Variants in PEX1 observed in about 807,000 individuals in gnomAD.
PEX1 encodes the protein peroxisomal ATPase PEX1.
Under a neutral mutation model 152.5 loss-of-function variants are expected in PEX1, and 97 were observed. That is an observed-to-expected ratio of 0.64 (90% CI 0.54 to 0.75). The LOEUF is 0.75. Among genes scored for constraint, PEX1 ranks in the 30% least tolerant of loss-of-function variants. The pLI, the probability that PEX1 is intolerant of heterozygous loss-of-function variation, is 0.00. For missense variants in PEX1, 1,357 were observed against 1,516.3 expected, an observed-to-expected ratio of 0.89 and a Z score of 1.74; for synonymous variants, 485 against 531.6, an observed-to-expected ratio of 0.91 and a Z score of 1.21.
At position 92,519,117 on chromosome 7, in the gene PEX1, C is replaced by A; in HGVS notation, c.274-39G>T. 4.4e-6 allele frequency: 5 copies of A among 1,139,228 alleles called. No individual in the cohort carries two copies. The East Asian group carries it at 9.5e-5, about 22-fold the overall frequency. 70.6% of individuals were successfully genotyped at this position (1,139,228 alleles called of 1,614,324 possible). A position where few individuals can be genotyped will look rare whatever the true frequency, so the allele number is the denominator to read the frequency against. ...AAAATTTAAAACTACTTTAAAAAAACTTTTCTGTGTCATATATTAGAAAAT... is the reference window on the plus strand; with the variant it reads ...AAAATTTAAAACTACTTTAAAAAAAATTTTCTGTGTCATATATTAGAAAAT... On this transcript the variant is annotated intron_variant, in intron 2 of 23. Transcript: ENST00000248633.
At chr7:92,527,938 G>C (rs1212740069) in intron 1 of PEX1, among the ~76,000 whole-genome samples, 1 of 152,234 alleles carries the variant, frequency 6.6e-6, no homozygotes, top group Non-Finnish European at 1.5e-5. Flanking sequence ...CGGCCCGGAC[G>C]GCAGCAGCGC....
intron 10 of PEX1, 165 bp downstream of exon 10, chr7:92,506,829 A>G (rs1445767223): frequency 8.8e-6 from 6 of 684,442 alleles, no homozygotes; most frequent in Non-Finnish European, 1.5e-5. Context: ...AAAAGCAGAC[A>G]CACAGAAATA....
chr7:92,507,432 G>C, intron 9 of PEX1: 1 of 306,238 alleles, frequency 3.3e-6, no homozygotes, highest in Non-Finnish European at 6.3e-6. Flanking sequence ...TGCATTTGTT[G>C]TAGAGACGGG....
At chr7:92,507,942 C>A (rs1229182480) in intron 9 of PEX1, 1 of 152,078 alleles carries the variant, frequency 6.6e-6, no homozygotes, top group Non-Finnish European at 1.5e-5. Flanking sequence ...CGCGCCCAGC[C>A]TCCAAGCTTT....
In PEX1 at chr7:92,502,685, C is replaced by T. The variant is rs1213644569; in HGVS notation, c.2226+356G>A. Among the ~76,000 whole-genome samples the T allele has an allele frequency of 2.0e-5, 3 of 152,078 alleles. No individual in the cohort carries two copies. In the East Asian group the frequency reaches 5.8e-4, roughly 29 times the overall value. On this transcript the variant is annotated intron_variant, in intron 13 of 23. Transcript: ENST00000248633. ...GGAACATATTTCTTTCAGCTCACTA[C>T]CACTAAAACCCTCATGAGTTCCCAA...
chr7:92,493,968 A>C, intron 19 of PEX1: 1 of 302,510 alleles, frequency 3.3e-6, no homozygotes, highest in Non-Finnish European at 6.3e-6. Flanking sequence ...TCTGTATCAG[A>C]GTTTTTTTTT....
At chr7:92,521,492 C>A (rs1463716475) in intron 2 of PEX1, among the ~76,000 whole-genome samples, 1 of 151,822 alleles carries the variant, frequency 6.6e-6, no homozygotes, top group Non-Finnish European at 1.5e-5. Context: ...TGAAGTGCAG[C>A]AGTGCAATCT....
At chr7:92,489,959 G>C (rs374470166) in intron 21 of PEX1, 48 bp from the exon 22 acceptor site, 516 of 1,327,934 alleles carry the variant, frequency 3.9e-4, no homozygotes, top group Non-Finnish European at 5.0e-4. Context: ...GAGGGGGAGA[G>C]AAAAAACTAT....
intron 1 of PEX1, among the ~76,000 whole-genome samples, chr7:92,524,259 TTTC>T (rs986488038): frequency 9.3e-5 from 14 of 150,970 alleles, no homozygotes; most frequent in Non-Finnish European, 3.0e-5. Context: ...AGTCTTTATG[TTTC>T]TTGCTTTTTT....
At chr7:92,526,305 C>G (rs1405990832) in intron 1 of PEX1, among the ~76,000 whole-genome samples, 1 of 152,194 alleles carries the variant, frequency 6.6e-6, no homozygotes, top group Non-Finnish European at 1.5e-5. Flanking sequence ...GAGGGTTGAT[C>G]AGAACATCTG....
chr7:92,501,786 T>C, intron 14 of PEX1, 104 bp downstream of exon 14: 2 of 1,368,342 alleles, frequency 1.5e-6, no homozygotes, highest in South Asian at 2.4e-5. Flanking sequence ...TAACTGCTTA[T>C]TCAAATACTA....
chr7:92,503,057 A>G lies in PEX1; in HGVS notation c.2210T>C (p.Ile737Thr). The change falls in exon 13 of 24, where the codon ATT (isoleucine) becomes ACT (threonine). Residue 737 changes from isoleucine to threonine, a missense_variant. Physicochemically the swap from Ile to Thr is moderately conservative, Grantham distance 89 (BLOSUM62 -1). Coordinates refer to ENST00000248633, the MANE Select transcript of PEX1 (RefSeq NM_000466.3). ...GTGTATTACCTGATTAGGAGGCTGA[A>G]TGTGTTGGACGCACTGAAATATGTG... ...GVHIFQCVQH[I>T]QPPNQEQRCE... 1 of 1,613,514 alleles carries G rather than the reference A, an allele frequency of 6.2e-7. No homozygotes were observed. The highest frequency in any genetic ancestry group is 8.5e-7 in the Non-Finnish European group (1 of 1,179,500).
chr7:92,518,911 A>G (rs1319135379), intron 3 of PEX1, 84 bp downstream of exon 3: 5 of 1,013,560 alleles, frequency 4.9e-6, no homozygotes, highest in Non-Finnish European at 7.8e-6. Flanking sequence ...AGAATATATA[A>G]TAAAGCTTAG....
chr7:92,517,867 C>T lies in PEX1; in HGVS notation c.648G>A (p.Lys216=), dbSNP rs1289765250. The T allele has an allele frequency of 6.5e-7, 1 of 1,542,178 alleles. No homozygotes were observed. Among genetic ancestry groups the T allele is most frequent in the Non-Finnish European group, 8.7e-7 (1 of 1,150,920 alleles). The change falls in exon 5 of 24, where the codon AAG becomes AAA. Residue 216 remains lysine, a synonymous_variant. Coordinates refer to ENST00000248633, the MANE Select transcript of PEX1 (RefSeq NM_000466.3). ...QKGMMKELQT[K]QLQSNTVGIT... is the part of the protein sequence containing the mutation. The stretch of plus-strand genomic sequence containing the variant: ...TTCCCACAGTATTTGACTGAAGTTG[C>T]TTGGTTTGAAGTTCTTTCATCATTC...
intron 23 of PEX1, among the ~76,000 whole-genome samples, chr7:92,487,864 C>G (rs1431918348): frequency 2.6e-5 from 4 of 151,832 alleles, no homozygotes; most frequent in African/African-American, 2.4e-5. Flanking sequence ...TCAAAAGGGC[C>G]AAGTTTAGAA....
Position 92,493,118 on chromosome 7 carries a change from A to C in PEX1, c.3042T>G (p.Leu1014=), listed in dbSNP as rs746546952. 3 of 1,597,122 alleles carry C rather than the reference A, an allele frequency of 1.9e-6. No homozygotes were observed. Among genetic ancestry groups the C allele is most frequent in the Admixed American group, 1.7e-5 (1 of 59,798 alleles). ...YCPPPDQVSR[L]EILNVLSDSL... ...AGTCACTGAGGACATTTAAAATTTC[A>C]AGACGTGACACCTGAAAGGAGAAAA... is the stretch of plus-strand genomic sequence containing the variant. The change falls in exon 20 of 24, where the codon CTT becomes CTG. Residue 1014 remains leucine (L), a synonymous_variant. Transcript: ENST00000248633.
rs1246933913 is a variant in PEX1, at chr7:92,511,984, C to G, written c.1360-281G>C. Among the ~76,000 whole-genome samples, 4 of 152,336 alleles carry G rather than the reference C, an allele frequency of 2.6e-5. No homozygotes were observed. In the East Asian group the frequency reaches 7.7e-4, roughly 29 times the overall value. ...ACCATAATGTGGCTCACTCAATAAC[C>G]ATTCCAACCCCATTCTCCCTTTCCT... On this transcript the variant is annotated intron_variant, in intron 6 of 23. Coordinates refer to ENST00000248633, the MANE Select transcript of PEX1 (RefSeq NM_000466.3).
chr7:92,488,729 AT>A (rs199766658), intron 23 of PEX1, among the ~76,000 whole-genome samples: 5,179 of 142,434 alleles, frequency 0.036, 70 homozygotes, highest in Non-Finnish European at 0.045. Context: ...AAGTTACTAA[AT>A]TTTTTTTTTT....
At chr7:92,514,910 C>A (rs1251100157) in intron 5 of PEX1, among the ~76,000 whole-genome samples, 1 of 151,508 alleles carries the variant, frequency 6.6e-6, no homozygotes, top group Non-Finnish European at 1.5e-5. Context: ...ATTAGCCAGG[C>A]GTGGTGGTGG....
Sources: gnomAD v4.1 joint callset for allele counts (sites outside exome capture counted in the v4.1 genomes callset) on GRCh38, gnomAD v4.1.1 for gene constraint, MANE v1.5 for transcripts, NCBI Gene and HGNC (gene_info 2026-07-23, HGNC 2026-07-21) for gene names.